KCNH2: variants seen among roughly 807,000 people sequenced by gnomAD.
The protein encoded by KCNH2 is voltage-gated inwardly rectifying potassium channel KCNH2.
A neutral mutation model predicts 95.9 loss-of-function variants in KCNH2; 35 were observed. The ratio of observed to expected loss-of-function variants is 0.37; its 90% CI spans 0.28 to 0.48. The LOEUF is 0.48. Ranked by LOEUF, KCNH2 falls within the 20% of genes least tolerant of loss-of-function variation. The probability of loss-of-function intolerance (pLI) is 0.99; values close to 1 mark genes in which losing one functional copy is unlikely to be tolerated. For synonymous variants in KCNH2, 786 were observed against 754.7 expected (o/e 1.04, Z -0.68); for missense variants, 1,274 against 1,702.9 (o/e 0.75, Z 4.43).
chr7:150,972,460 C>T (rs1319862558), intron 2 of KCNH2, among the ~76,000 whole-genome samples: 1 of 152,206 alleles, frequency 6.6e-6, no homozygotes. Context: ...GCAGAAGAAG[C>T]GGAGGCTGAG....
At chr7:150,959,087 C>G (rs1435409724) in intron 3 of KCNH2, among the ~76,000 whole-genome samples, 2 of 152,188 alleles carry the variant, frequency 1.3e-5, no homozygotes, top group Admixed American at 1.3e-4. Context: ...GTGGGCATTC[C>G]CTCAAAGCCT....
intron 2 of KCNH2, among the ~76,000 whole-genome samples, chr7:150,966,925 A>G (rs183102895): frequency 1.6e-4 from 24 of 152,310 alleles, no homozygotes; most frequent in Admixed American, 1.0e-3. Flanking sequence ...ACTAATTCCA[A>G]TCAAGAATCT....
At chr7:150,975,837 T>C (rs973481551) in intron 1 of KCNH2, among the ~76,000 whole-genome samples, 18 of 152,156 alleles carry the variant, frequency 1.2e-4, no homozygotes, top group African/African-American at 4.1e-4. Flanking sequence ...TGGACACACC[T>C]GGAGCCTGGG....
chr7:150,977,299 G>A (rs1483602168), intron 1 of KCNH2, among the ~76,000 whole-genome samples: 1 of 152,158 alleles, frequency 6.6e-6, no homozygotes, highest in Non-Finnish European at 1.5e-5. Context: ...CCCATACAGG[G>A]TCTAACTCAC....
In KCNH2 at chr7:150,945,620, G is replaced by A; in HGVS notation, c.3331-106C>T. 8.4e-7 allele frequency: 1 copy of A among 1,193,500 alleles called. No homozygotes were observed. The highest frequency in any genetic ancestry group is 1.2e-6 in the Non-Finnish European group (1 of 824,470). 73.9% of individuals were successfully genotyped at this position (1,193,500 alleles called of 1,614,324 possible). ...GGACAGAGGATGGACGGGAGGACAG[G>A]AGGGCCAAGAGGAGAGTCAGGTGGG... is the stretch of plus-strand genomic sequence containing the variant. On this transcript the variant is annotated intron_variant, in intron 14 of 14. Transcript: ENST00000262186. This position sits in a 1 kb window ranked among gnomAD's most constrained non-coding sequence, Gnocchi z 5.6.
intron 2 of KCNH2, among the ~76,000 whole-genome samples, chr7:150,964,369 CA>C (rs1222130376): frequency 1.3e-5 from 2 of 152,148 alleles, no homozygotes; most frequent in African/African-American, 4.8e-5. Context: ...ACCACCCATC[CA>C]ACAGGACCCC....
chr7:150,953,139 C>A (rs954271191), intron 5 of KCNH2, among the ~76,000 whole-genome samples: 5 of 152,164 alleles, frequency 3.3e-5, no homozygotes, highest in Non-Finnish European at 7.4e-5. Flanking sequence ...GTGCTGCTCC[C>A]CGCCGGCAAT....
At chr7:150,968,931 G>A (rs780285504) in intron 2 of KCNH2, among the ~76,000 whole-genome samples, 9 of 152,182 alleles carry the variant, frequency 5.9e-5, no homozygotes, top group East Asian at 3.8e-4. Flanking sequence ...CTCTGGCACC[G>A]CACGCTGCTT....
At chr7:150,949,128 C>T (rs990356737) in intron 9 of KCNH2, 79 bp from the exon 10 acceptor site, 17 of 1,360,728 alleles carry the variant, frequency 1.2e-5, no homozygotes, top group Non-Finnish European at 1.6e-5. Context: ...CCGGCATCCC[C>T]ACCCCGGGCA....
intron 11 of KCNH2, 109 bp from the exon 12 acceptor site, chr7:150,947,987 C>T: frequency 7.7e-7 from 1 of 1,302,718 alleles, no homozygotes; most frequent in Non-Finnish European, 1.0e-6. Flanking sequence ...GGCAGGAAGC[C>T]CTGGTTTGTC....
At chr7:150,963,479 G>A (rs1038820297) in intron 2 of KCNH2, among the ~76,000 whole-genome samples, 11 of 152,176 alleles carry the variant, frequency 7.2e-5, no homozygotes, top group Admixed American at 3.3e-4. Context: ...AGACAGAAGA[G>A]AGGCAGACAA....
In KCNH2 at chr7:150,955,516, T is replaced by C. The variant is rs1057523343; in HGVS notation, c.1128+1775A>G. 3.9e-6 allele frequency: 6 copies of C among 1,539,862 alleles called. No individual in the cohort carries two copies. The highest frequency in any genetic ancestry group is 5.3e-6 in the Non-Finnish European group (6 of 1,140,536). ...CTGGGGCCGCCATGGAGGACTTGGC[T>C]CCCTGCAGCCTGCCTGCCCTGGGGC... On this transcript the variant is annotated intron_variant, in intron 5 of 14. Coordinates refer to ENST00000262186, the MANE Select transcript of KCNH2 (RefSeq NM_000238.4).
Position 150,945,938 on chromosome 7 carries a change from C to A in KCNH2, c.3331-424G>T, listed in dbSNP as rs1290950364. Among the ~76,000 whole-genome samples the A allele has an allele frequency of 6.6e-6, 1 of 152,180 alleles. No individual in the cohort carries two copies. On this transcript the variant is annotated intron_variant, in intron 14 of 14. Transcript: ENST00000262186. The surrounding 1 kb of genome is among the most constrained non-coding windows in gnomAD (Gnocchi z 5.6). ...GAACTCGGGGACCTAGAAACAGAGG[C>A]AGGCTGGCGGCCAGGCATCTGAAGG...
At chr7:150,955,787 CCAG>C in intron 5 of KCNH2, 1 of 1,183,536 alleles carries the variant, frequency 8.4e-7, no homozygotes, top group Non-Finnish European at 1.0e-6. Flanking sequence ...GCCCGCCAGC[CCAG>C]CAGCGGCCGC....
chr7:150,949,512 A>G (rs1011343859), intron 9 of KCNH2: 67 of 772,330 alleles, frequency 8.7e-5, no homozygotes, highest in Non-Finnish European at 1.1e-4. Context: ...AGTAAGGCCC[A>G]GTGTTATGTA....
intron 3 of KCNH2, 57 bp from the exon 4 acceptor site, chr7:150,958,559 A>C (rs1347815946): frequency 7.1e-7 from 1 of 1,399,572 alleles, no homozygotes; most frequent in Non-Finnish European, 9.3e-7. Flanking sequence ...CGGAGCGGGC[A>C]AGGCCTGGGA....
intron 3 of KCNH2, among the ~76,000 whole-genome samples, chr7:150,959,065 G>A (rs1418929257): frequency 1.3e-5 from 2 of 152,218 alleles, no homozygotes; most frequent in African/African-American, 4.8e-5. Context: ...TCAAGGGGAT[G>A]GTCCAGCCCA....
chr7:150,955,749 C>CCTG (rs1359626584), intron 5 of KCNH2: 5 of 1,264,262 alleles, frequency 4.0e-6, no homozygotes, highest in Non-Finnish European at 5.0e-6. Flanking sequence ...TGGCGTGGGC[C>CCTG]CTGCTGCCAG....
At chr7:150,971,318 C>G (rs1801833530) in intron 2 of KCNH2, among the ~76,000 whole-genome samples, 1 of 152,158 alleles carries the variant, frequency 6.6e-6, no homozygotes, top group Non-Finnish European at 1.5e-5. Context: ...AGGCCCTGGG[C>G]ACAGTGCACT....
Sources: gnomAD v4.1 joint callset for allele counts (sites outside exome capture counted in the v4.1 genomes callset) on GRCh38, gnomAD v4.1.1 for gene constraint, Gnocchi (gnomAD v3.1) non-coding constraint, MANE v1.5 for transcripts, NCBI Gene and HGNC (gene_info 2026-07-23, HGNC 2026-07-21) for gene names.